Variants in AGAP1 observed in about 807,000 individuals in gnomAD.
The protein encoded by AGAP1 is arf-GAP with GTPase, ANK repeat and PH domain-containing protein 1.
Under a neutral mutation model 105.3 loss-of-function variants are expected in AGAP1, and 29 were observed. The observed-to-expected ratio is 0.28, with a 90% CI of 0.21 to 0.38. The LOEUF is 0.38. Ranked by LOEUF, AGAP1 falls within the 10% of genes least tolerant of loss-of-function variation. AGAP1 has a pLI of 1.00. For synonymous variants in AGAP1, 509 were observed against 485.9 expected (o/e 1.05, Z -0.63); for missense variants, 998 against 1,165.1 (o/e 0.86, Z 2.09).
intron 9 of AGAP1, among the ~76,000 whole-genome samples, chr2:235,852,032 C>T (rs1421603680): frequency 6.6e-6 from 1 of 152,126 alleles, no homozygotes; most frequent in Admixed American, 6.5e-5. Flanking sequence ...TGAAACAGGC[C>T]TGTGAGCTGC....
At chr2:235,521,617 G>A (rs1201330259) in intron 1 of AGAP1, among the ~76,000 whole-genome samples, 5 of 152,076 alleles carry the variant, frequency 3.3e-5, no homozygotes, top group African/African-American at 4.8e-5. Context: ...ACATGTTCTG[G>A]AAACCACTCC....
rs190498222 is a variant in AGAP1 at position 235,535,375 on chromosome 2, C to T, written c.163+40526C>T. Reference sequence around the variant, plus strand: ...AAGTTTATTGAAGAGGGTGTGAGGTCGCGGCGCCTGACCCTCATTATGTCA... The same window carrying T: ...AAGTTTATTGAAGAGGGTGTGAGGTTGCGGCGCCTGACCCTCATTATGTCA... On this transcript the variant is annotated intron_variant, in intron 1 of 17. Transcript: ENST00000304032. This position sits in a 1 kb window ranked among gnomAD's most constrained non-coding sequence, Gnocchi z 5.1. Among the ~76,000 whole-genome samples, 3 of 152,188 alleles carry T rather than the reference C, an allele frequency of 2.0e-5. No homozygotes were observed. Among genetic ancestry groups the T allele is most frequent in the East Asian group, 1.9e-4 (1 of 5,174 alleles).
At chr2:235,848,908 A>G (rs1961832095) in intron 9 of AGAP1, among the ~76,000 whole-genome samples, 1 of 152,082 alleles carries the variant, frequency 6.6e-6, no homozygotes, top group South Asian at 2.1e-4. Context: ...TGCCCATCTC[A>G]GTGTTAAGGG....
chr2:235,908,402 A>G lies in AGAP1; in HGVS notation c.1156-336A>G, dbSNP rs1399454052. On this transcript the variant is annotated intron_variant, in intron 10 of 17. Coordinates refer to ENST00000304032, the MANE Select transcript of AGAP1 (RefSeq NM_001037131.3). This position sits in a 1 kb window ranked among gnomAD's most constrained non-coding sequence, Gnocchi z 4.4. ...AATTTTACTTGGAATTTATAGGAGGAGCCTAATGTACCCTCTGATAAGCAA... is the reference window on the plus strand; with the variant it reads ...AATTTTACTTGGAATTTATAGGAGGGGCCTAATGTACCCTCTGATAAGCAA... Among the ~76,000 whole-genome samples, 1 of 152,196 alleles carries G rather than the reference A, an allele frequency of 6.6e-6. No individual in the cohort carries two copies. The highest frequency in any genetic ancestry group is 2.4e-5 in the African/African-American group (1 of 41,446).
At chr2:235,585,116 A>T (rs141181185) in intron 1 of AGAP1, among the ~76,000 whole-genome samples, 1,968 of 151,754 alleles carry the variant, frequency 0.013, 19 homozygotes, top group Non-Finnish European at 0.019. Flanking sequence ...CTGTGGATTC[A>T]TTTCTTATCG....
In AGAP1 at chr2:236,119,941, C is replaced by T. The variant is rs113180591; in HGVS notation, c.2115-251C>T. 9.6e-3 allele frequency among the ~76,000 whole-genome samples: 1,462 copies of T among 152,276 alleles called. 8 individuals carry two copies. The highest frequency in any genetic ancestry group is 0.017 in the Non-Finnish European group (1,190 of 68,010). ...CCCTGCAGGGCTTCTTAAAACACCC[C>T]GAGAGGTTTGGATTCAGGGGGTCTG... On this transcript the variant is annotated intron_variant, in intron 16 of 17. Transcript: ENST00000304032. The surrounding 1 kb of genome is among the most constrained non-coding windows in gnomAD (Gnocchi z 6.6).
At chr2:235,575,385 T>C (rs956581710) in intron 1 of AGAP1, among the ~76,000 whole-genome samples, 1 of 152,250 alleles carries the variant, frequency 6.6e-6, no homozygotes, top group Admixed American at 6.5e-5. Context: ...GAATTTAAAG[T>C]TGAAGAGAGT....
At chr2:235,709,016 G>A (rs1400568743) in intron 1 of AGAP1, among the ~76,000 whole-genome samples, 163 bp from the exon 2 acceptor site, 1 of 152,196 alleles carries the variant, frequency 6.6e-6, no homozygotes, top group East Asian at 1.9e-4. Flanking sequence ...GCTGAGTGTC[G>A]TGAACTGGGA....
chr2:235,841,269 CAGAA>C (rs963950499), intron 9 of AGAP1, among the ~76,000 whole-genome samples: 8 of 152,208 alleles, frequency 5.3e-5, no homozygotes, highest in Middle Eastern at 3.4e-3. Flanking sequence ...CGAACTGTTC[CAGAA>C]AGAAGTTACC....
Position 235,550,988 on chromosome 2 carries a change from G to T in AGAP1, c.163+56139G>T, listed in dbSNP as rs1428096831. ...GGGGTTTCACCATGTTGGGCAGGCT[G>T]GTCTCGAACTCCTGGCCTCAAGTGA... On this transcript the variant is annotated intron_variant, in intron 1 of 17. Transcript: ENST00000304032. This position sits in a 1 kb window ranked among gnomAD's most constrained non-coding sequence, Gnocchi z 4.6. Among the ~76,000 whole-genome samples, 1 of 152,098 alleles carries T rather than the reference G, an allele frequency of 6.6e-6. No homozygotes were observed. Among genetic ancestry groups the T allele is most frequent in the Admixed American group, 6.5e-5 (1 of 15,280 alleles).
At chr2:235,826,836 A>T (rs1370455468) in intron 9 of AGAP1, among the ~76,000 whole-genome samples, 1 of 152,136 alleles carries the variant, frequency 6.6e-6, no homozygotes, top group Non-Finnish European at 1.5e-5. Flanking sequence ...TGTCTTCGTC[A>T]CTTTTCTCCA....
chr2:236,048,984 C>T, intron 15 of AGAP1, 75 bp from the exon 16 acceptor site: 1 of 1,399,428 alleles, frequency 7.1e-7, no homozygotes, highest in East Asian at 2.3e-5. Flanking sequence ...GATTCGTCGC[C>T]TTGTGTTTCT....
intron 13 of AGAP1, among the ~76,000 whole-genome samples, chr2:235,972,947 C>G (rs73118059): frequency 0.019 from 2,964 of 152,136 alleles, 84 homozygotes; most frequent in African/African-American, 0.068. Flanking sequence ...CAGTGCCCTT[C>G]CCCAGCTGTG....
intron 16 of AGAP1, among the ~76,000 whole-genome samples, chr2:236,107,535 G>C (rs1394153543): frequency 2.0e-5 from 3 of 152,210 alleles, no homozygotes; most frequent in Non-Finnish European, 4.4e-5. Context: ...TCCTACTCAG[G>C]CTGGTCAGGT....
chr2:235,869,058 A>G (rs1034115647), intron 9 of AGAP1, among the ~76,000 whole-genome samples: 4 of 152,204 alleles, frequency 2.6e-5, no homozygotes, highest in Non-Finnish European at 5.9e-5. Flanking sequence ...GCCATTTCCA[A>G]GTAACATAAG....
At chr2:235,948,178 G>T (rs558105913) in intron 12 of AGAP1, among the ~76,000 whole-genome samples, 178 of 151,756 alleles carry the variant, frequency 1.2e-3, no homozygotes, top group South Asian at 7.2e-3. Context: ...GGTTTTTTTT[G>T]TTTGTTTGTT....
chr2:235,992,069 C>T lies in AGAP1; in HGVS notation c.1645+23446C>T, dbSNP rs556794943. ...GTCTCCTCTGTCCACAGGACATGGC[C>T]GTAGCCGTGTGTGGAGAAGGGTTGT... On this transcript the variant is annotated intron_variant, in intron 13 of 17. Transcript: ENST00000304032. The surrounding 1 kb of genome is among the most constrained non-coding windows in gnomAD (Gnocchi z 4.8). Among the ~76,000 whole-genome samples the T allele has an allele frequency of 1.2e-4, 19 of 152,302 alleles. No individual in the cohort carries two copies. Among genetic ancestry groups the T allele is most frequent in the African/African-American group, 4.1e-4 (17 of 41,572 alleles).
rs1193342865 is a variant in AGAP1 at position 235,566,023 on chromosome 2, T to C, written c.163+71174T>C. ...TTTATAGTGAGTACTTGTACACTGA[T>C]TGCCAAGATTCTGTAAACAATATTT... On this transcript the variant is annotated intron_variant, in intron 1 of 17. Transcript: ENST00000304032. The surrounding 1 kb of genome is among the most constrained non-coding windows in gnomAD (Gnocchi z 5.2). Among the ~76,000 whole-genome samples the C allele has an allele frequency of 2.6e-5, 4 of 152,206 alleles. No individual in the cohort carries two copies. The highest frequency in any genetic ancestry group is 1.3e-4 in the Admixed American group (2 of 15,284).
chr2:235,847,913 AC>A (rs1961696153), intron 9 of AGAP1, among the ~76,000 whole-genome samples: 1 of 152,250 alleles, frequency 6.6e-6, no homozygotes, highest in Non-Finnish European at 1.5e-5. Context: ...CACTTCTCAC[AC>A]CAGGGTTATA....
Sources: gnomAD v4.1 joint callset for allele counts (sites outside exome capture counted in the v4.1 genomes callset) on GRCh38, gnomAD v4.1.1 for gene constraint, Gnocchi (gnomAD v3.1) non-coding constraint, MANE v1.5 for transcripts, NCBI Gene and HGNC (gene_info 2026-07-23, HGNC 2026-07-21) for gene names.